The following NSG1 variants were observed in gnomAD, a reference collection of about 807,000 sequenced individuals.
The protein encoded by NSG1 is neuronal vesicle trafficking-associated protein 1.
NSG1 carries 9 observed loss-of-function variants against 19.3 expected under a neutral mutation model. That is an observed-to-expected ratio of 0.47 (90% CI 0.28 to 0.81). The LOEUF is 0.81. Among genes scored for constraint, NSG1 ranks in the 40% least tolerant of loss-of-function variants. The probability of loss-of-function intolerance (pLI) is 0.11; values close to 1 mark genes in which losing one functional copy is unlikely to be tolerated. For synonymous variants in NSG1, 104 were observed against 107.0 expected (o/e 0.97, Z 0.17); for missense variants, 236 against 242.4 (o/e 0.97, Z 0.18).
At chr4:4,392,696 C>T (rs759072453) in intron 3 of NSG1, among the ~76,000 whole-genome samples, 2 of 152,234 alleles carry the variant, frequency 1.3e-5, no homozygotes, top group Non-Finnish European at 2.9e-5. Context: ...TCAGGGCCTG[C>T]CTGGTCCAGC....
At chr4:4,408,554 G>A (rs995822913) in intron 3 of NSG1, among the ~76,000 whole-genome samples, 2 of 152,188 alleles carry the variant, frequency 1.3e-5, no homozygotes, top group African/African-American at 2.4e-5. Context: ...TCTGCCTCCT[G>A]GGTTCAAGCG....
intron 3 of NSG1, among the ~76,000 whole-genome samples, chr4:4,398,303 C>T (rs966813503): frequency 1.3e-5 from 2 of 152,294 alleles, no homozygotes; most frequent in African/African-American, 4.8e-5. Flanking sequence ...ATAAAACTTA[C>T]CGCTTTAAGG....
intron 3 of NSG1, among the ~76,000 whole-genome samples, chr4:4,404,890 T>G (rs930565245): frequency 6.6e-6 from 1 of 151,790 alleles, no homozygotes; most frequent in Non-Finnish European, 1.5e-5. Context: ...GCCAGGGCTT[T>G]GAAGGGCAAG....
chr4:4,406,687 T>G (rs1293860407), intron 3 of NSG1, among the ~76,000 whole-genome samples: 2 of 152,112 alleles, frequency 1.3e-5, no homozygotes. Flanking sequence ...CCAACCCAGG[T>G]GCTGTTCTCA....
At chr4:4,401,890 T>C (rs1723563340) in intron 3 of NSG1, among the ~76,000 whole-genome samples, 1 of 152,096 alleles carries the variant, frequency 6.6e-6, no homozygotes, top group African/African-American at 2.4e-5. Context: ...ATGATGATGA[T>C]GATTTTTTGA....
At chr4:4,387,800 C>T in intron 2 of NSG1, 42 bp downstream of exon 2, 1 of 1,514,274 alleles carries the variant, frequency 6.6e-7, no homozygotes, top group Non-Finnish European at 9.1e-7. Flanking sequence ...GGTGTGCACC[C>T]CCAAATCTCG....
chr4:4,409,789 C>G (rs532539963), intron 4 of NSG1, 106 bp downstream of exon 4: 6 of 892,820 alleles, frequency 6.7e-6, no homozygotes, highest in South Asian at 5.8e-5. Flanking sequence ...GGCCCACGGA[C>G]AGGCCTTAGA....
At chr4:4,406,676 C>A (rs1014951099) in intron 3 of NSG1, among the ~76,000 whole-genome samples, 2 of 152,186 alleles carry the variant, frequency 1.3e-5, no homozygotes, top group Non-Finnish European at 2.9e-5. Context: ...CATGCTCCCC[C>A]CCAACCCAGG....
intron 3 of NSG1, among the ~76,000 whole-genome samples, chr4:4,407,119 C>T (rs1353517444): frequency 6.6e-6 from 1 of 152,354 alleles, no homozygotes; most frequent in Admixed American, 6.5e-5. Context: ...CAGGCACAGG[C>T]TCCATATGCA....
At chr4:4,389,486 TGAGCCTCA>T (rs1196109471) in intron 2 of NSG1, among the ~76,000 whole-genome samples, 1 of 152,170 alleles carries the variant, frequency 6.6e-6, no homozygotes, top group Non-Finnish European at 1.5e-5. Flanking sequence ...ATGAGGGAAC[TGAGCCTCA>T]GAGCATTTAT....
chr4:4,409,020 C>T (rs1481946439), intron 3 of NSG1, among the ~76,000 whole-genome samples: 1 of 152,274 alleles, frequency 6.6e-6, no homozygotes, highest in Non-Finnish European at 1.5e-5. Context: ...TCCCTGAGGA[C>T]ACTTAATTAA....
chr4:4,395,289 A>T (rs1723195805), intron 3 of NSG1, among the ~76,000 whole-genome samples: 1 of 152,148 alleles, frequency 6.6e-6, no homozygotes, highest in Non-Finnish European at 1.5e-5. Flanking sequence ...CCGCAGGGAG[A>T]TGCGTTTTGA....
In NSG1 at chr4:4,418,804, GTGA is replaced by G. The variant is rs1724741750; in HGVS notation, c.*1370_*1372del. 1 of 152,494 alleles carries G rather than the reference GTGA, an allele frequency of 6.6e-6. No individual in the cohort carries two copies. Among genetic ancestry groups the G allele is most frequent in the African/African-American group, 2.4e-5 (1 of 41,450 alleles). 9.4% of individuals were successfully genotyped at this position (152,494 alleles called of 1,614,324 possible). A position where few individuals can be genotyped will look rare whatever the true frequency, so the allele number is the denominator to read the frequency against. On this transcript the variant is annotated 3_prime_UTR_variant, in exon 5 of 5. Coordinates refer to ENST00000621129, the MANE Select transcript of NSG1 (RefSeq NM_014392.5). ...TCAAGGGTGTCTGGAGACACAGACC[GTGA>G]CCTTGGCGCAGCGGTGTGCATCAGA...
chr4:4,395,810 G>A (rs4555567), intron 3 of NSG1, among the ~76,000 whole-genome samples: 100,792 of 152,130 alleles, frequency 0.66, 35,142 homozygotes, highest in East Asian at 0.97. Context: ...ATCTTGAAGT[G>A]ACAGGTAAAT....
chr4:4,407,312 C>A (rs1172792208), intron 3 of NSG1, among the ~76,000 whole-genome samples: 1 of 152,126 alleles, frequency 6.6e-6, no homozygotes, highest in African/African-American at 2.4e-5. Context: ...CTGCCAGGGG[C>A]CTGAGGGGTC....
intron 1 of NSG1, 39 bp from the exon 2 acceptor site, chr4:4,387,565 T>TGGGTGGGGGGG: frequency 3.1e-5 from 8 of 259,602 alleles, no homozygotes; most frequent in Non-Finnish European, 5.9e-5. Flanking sequence ...CCGCCCCGGG[T>TGGGTGGGGGGG]CTTGCTTGTG....
intron 3 of NSG1, among the ~76,000 whole-genome samples, chr4:4,396,049 G>A (rs1723232549): frequency 6.6e-6 from 1 of 152,238 alleles, no homozygotes; most frequent in Non-Finnish European, 1.5e-5. Context: ...GACTCCCCCA[G>A]CGGCGGCCAG....
chr4:4,387,802 C>T, intron 2 of NSG1, 44 bp downstream of exon 2: 2 of 1,511,012 alleles, frequency 1.3e-6, no homozygotes, highest in Non-Finnish European at 9.1e-7. Flanking sequence ...TGTGCACCCC[C>T]AAATCTCGCA....
At chr4:4,395,330 C>T (rs1387540857) in intron 3 of NSG1, among the ~76,000 whole-genome samples, 1 of 152,190 alleles carries the variant, frequency 6.6e-6, no homozygotes, top group East Asian at 1.9e-4. Flanking sequence ...CTAATGTGTC[C>T]TGAGTTTTCG....
Sources: gnomAD v4.1 joint callset for allele counts (sites outside exome capture counted in the v4.1 genomes callset) on GRCh38, gnomAD v4.1.1 for gene constraint, MANE v1.5 for transcripts, NCBI Gene and HGNC (gene_info 2026-07-23, HGNC 2026-07-21) for gene names.